The following RAI1 variants were observed in gnomAD, a reference collection of about 807,000 sequenced individuals.
The protein encoded by RAI1 is retinoic acid induced 1, also known as retinoic acid-induced protein 1.
RAI1 carries 9 observed loss-of-function variants against 123.8 expected under a neutral mutation model. The observed-to-expected ratio is 0.07, with a 90% CI of 0.04 to 0.13. The LOEUF is 0.13. Among genes scored for constraint, RAI1 ranks in the 10% least tolerant of loss-of-function variants. RAI1 has a pLI of 1.00. For synonymous variants in RAI1, 1,231 were observed against 1,127.3 expected, an observed-to-expected ratio of 1.09 and a Z score of -1.84; for missense variants, 2,256 against 2,545.8, an observed-to-expected ratio of 0.89 and a Z score of 2.45.
At position 17,685,172 on chromosome 17, in the gene RAI1, C is replaced by G. The variant is rs1461526661; in HGVS notation, c.-149+3379C>G. 1 of 152,248 alleles carries G rather than the reference C, an allele frequency of 6.6e-6. No individual in the cohort carries two copies. The highest frequency in any genetic ancestry group is 1.5e-5 in the Non-Finnish European group (1 of 68,062). 9.4% of individuals were successfully genotyped at this position (152,248 alleles called of 1,614,324 possible). A position where few individuals can be genotyped will look rare whatever the true frequency, so the allele number is the denominator to read the frequency against. On this transcript the variant is annotated intron_variant, in intron 1 of 5. Transcript: ENST00000353383. The surrounding 1 kb of genome is among the most constrained non-coding windows in gnomAD (Gnocchi z 4.0). ...TTCCTCCCCTATCCAACGTGTGGCT[C>G]CACAGGGAGGGAGGAGGTGCAACAG...
At chr17:17,700,684 C>T (rs1006964332) in intron 1 of RAI1, among the ~76,000 whole-genome samples, 42 of 152,160 alleles carry the variant, frequency 2.8e-4, no homozygotes, top group Middle Eastern at 6.8e-3. Context: ...GGCCGGGCCT[C>T]GTCCGCCGAG....
chr17:17,685,155 CT>C lies in RAI1; in HGVS notation c.-149+3363del, dbSNP rs1160096653. The C allele has an allele frequency of 6.6e-6, 1 of 152,278 alleles. No homozygotes were observed. The highest frequency in any genetic ancestry group is 1.9e-4 in the East Asian group (1 of 5,196). The allele number at this position is 152,278 out of a possible 1,614,324, so 9.4% of individuals were successfully genotyped here. A position where few individuals can be genotyped will look rare whatever the true frequency, so the allele number is the denominator to read the frequency against. On this transcript the variant is annotated intron_variant, in intron 1 of 5. Coordinates refer to ENST00000353383, the MANE Select transcript of RAI1 (RefSeq NM_030665.4). The surrounding 1 kb of genome is among the most constrained non-coding windows in gnomAD (Gnocchi z 4.0). ...ATGGCATGGGTGTCTTTTTCCTCCC[CT>C]ATCCAACGTGTGGCTCCACAGGGAG...
chr17:17,793,347 A>T lies in RAI1; in HGVS notation c.399A>T (p.Pro133=). ...AGCCACCACCCCCACAGCCGCAGCCACTACCTGCAGGGGTGGCCAAGTATG... is the reference window on the plus strand; with the variant it reads ...AGCCACCACCCCCACAGCCGCAGCCTCTACCTGCAGGGGTGGCCAAGTATG... ...APQPPPPQPQ[P]LPAGVAKYDE... Residue 133 remains proline (P), a synonymous_variant, in exon 3 of 6, where the codon CCA becomes CCT. Coordinates refer to ENST00000353383, the MANE Select transcript of RAI1 (RefSeq NM_030665.4). 2 of 1,612,900 alleles carry T rather than the reference A, an allele frequency of 1.2e-6. No homozygotes were observed. The highest frequency in any genetic ancestry group is 2.2e-5 in the South Asian group (2 of 91,074).
intron 2 of RAI1, among the ~76,000 whole-genome samples, chr17:17,749,283 C>T (rs986371345): frequency 3.9e-5 from 6 of 152,208 alleles, no homozygotes; most frequent in African/African-American, 1.2e-4. Flanking sequence ...ATTTAGCCTG[C>T]GTGGCAGGAG....
intron 1 of RAI1, among the ~76,000 whole-genome samples, chr17:17,706,377 C>T (rs1199059002): frequency 6.6e-6 from 1 of 152,154 alleles, no homozygotes; most frequent in Non-Finnish European, 1.5e-5. Context: ...GTGCTCTGCA[C>T]TGAATGATGA....
In RAI1 at chr17:17,781,011, T is replaced by G. The variant is rs914622373; in HGVS notation, c.-16-11922T>G. ...CCTCCCCTCCCAGGAGCTAGGAACC[T>G]GCCAGGCTTCTTACCTCTCTGCTGG... is the stretch of plus-strand genomic sequence containing the variant. On this transcript the variant is annotated intron_variant, in intron 2 of 5. Coordinates refer to ENST00000353383, the MANE Select transcript of RAI1 (RefSeq NM_030665.4). Among the ~76,000 whole-genome samples, 3 of 152,182 alleles carry G rather than the reference T, an allele frequency of 2.0e-5. No individual in the cohort carries two copies. The East Asian group carries it at 5.8e-4, about 29-fold the overall frequency.
At position 17,686,138 on chromosome 17, in the gene RAI1, C is replaced by T. The variant is rs947299184; in HGVS notation, c.-149+4345C>T. 5.3e-5 allele frequency among the ~76,000 whole-genome samples: 8 copies of T among 151,568 alleles called. No individual in the cohort carries two copies. The East Asian group carries it at 7.7e-4, about 15-fold the overall frequency. On this transcript the variant is annotated intron_variant, in intron 1 of 5. Coordinates refer to ENST00000353383, the MANE Select transcript of RAI1 (RefSeq NM_030665.4). ...GCTCTCTCCGGCCCAGTGCCAAGGG[C>T]GAGGCCTAGAACACAGGACGCTCAG...
rs1914583547 is a variant in RAI1, at chr17:17,685,068, C to A, written c.-149+3275C>A. The A allele has an allele frequency of 6.6e-6, 1 of 152,244 alleles. No individual in the cohort carries two copies. The highest frequency in any genetic ancestry group is 1.5e-5 in the Non-Finnish European group (1 of 68,054). 9.4% of individuals were successfully genotyped at this position (152,244 alleles called of 1,614,324 possible). On this transcript the variant is annotated intron_variant, in intron 1 of 5. Transcript: ENST00000353383. The surrounding 1 kb of genome is among the most constrained non-coding windows in gnomAD (Gnocchi z 4.0). ...TGCCGTCATTGTTGTATTGTTATTG[C>A]TGTTCTATCTCCATGGCAGCCCATG...
intron 1 of RAI1, among the ~76,000 whole-genome samples, chr17:17,691,948 TA>T (rs1330841718): frequency 2.0e-5 from 3 of 152,060 alleles, no homozygotes; most frequent in East Asian, 1.9e-4. Flanking sequence ...CAAACACAGA[TA>T]GGGGTGAGGG....
chr17:17,727,058 T>C (rs1374286034), intron 2 of RAI1, among the ~76,000 whole-genome samples: 3 of 152,274 alleles, frequency 2.0e-5, no homozygotes, highest in Non-Finnish European at 2.9e-5. Context: ...GGATATATTT[T>C]GTATAGCTTT....
rs1915663218 is a variant in RAI1, at chr17:17,714,813, G to A, written c.-148-9215G>A. Among the ~76,000 whole-genome samples, 1 of 152,222 alleles carries A rather than the reference G, an allele frequency of 6.6e-6. No homozygotes were observed. The highest frequency in any genetic ancestry group is 2.4e-5 in the African/African-American group (1 of 41,442). On this transcript the variant is annotated intron_variant, in intron 1 of 5. Coordinates refer to ENST00000353383, the MANE Select transcript of RAI1 (RefSeq NM_030665.4). The surrounding 1 kb of genome is among the most constrained non-coding windows in gnomAD (Gnocchi z 4.9). ...ACTTGTCGTGGTGGGTGAAGGGTCT[G>A]GTCCGCAGGTCTGCTCTCCAAGCTG...
intron 1 of RAI1, among the ~76,000 whole-genome samples, chr17:17,693,147 C>T (rs12449524): frequency 6.6e-6 from 1 of 152,142 alleles, no homozygotes; most frequent in Non-Finnish European, 1.5e-5. Context: ...AGGGTGGGCA[C>T]TGAGGGCATC....
In RAI1 at chr17:17,809,961, C is replaced by CT. The variant is rs1271191069; in HGVS notation, c.5710-5dup. Reference sequence around the variant, plus strand: ...TCGTCGGTAACTGGCGGGCGGGCGTCTTTTGCAGAGGCTGCCGTAGTAATC... The same window carrying CT: ...TCGTCGGTAACTGGCGGGCGGGCGTCTTTTTGCAGAGGCTGCCGTAGTAATC... On this transcript the variant is annotated splice_polypyrimidine_tract_variant and intron_variant, in intron 5 of 5. Coordinates refer to ENST00000353383, the MANE Select transcript of RAI1 (RefSeq NM_030665.4). This position sits in a 1 kb window ranked among gnomAD's most constrained non-coding sequence, Gnocchi z 4.9. 7.1e-6 allele frequency: 11 copies of CT among 1,556,502 alleles called. No individual in the cohort carries two copies. Among genetic ancestry groups the CT allele is most frequent in the Non-Finnish European group, 9.5e-6 (11 of 1,152,150 alleles).
At chr17:17,749,055 C>A (rs779619214) in intron 2 of RAI1, among the ~76,000 whole-genome samples, 63 of 152,196 alleles carry the variant, frequency 4.1e-4, no homozygotes, top group Non-Finnish European at 2.1e-4. Context: ...CCCCTGGGGG[C>A]CTCCTGGATC....
intron 1 of RAI1, among the ~76,000 whole-genome samples, chr17:17,698,231 T>A (rs1915099642): frequency 1.3e-5 from 2 of 152,212 alleles, no homozygotes; most frequent in Admixed American, 6.5e-5. Context: ...CCCAGGTCCC[T>A]GTGGCTGCTC....
rs1263276539 is a variant in RAI1, at chr17:17,799,636, C to T, written c.5565+1123C>T. On this transcript the variant is annotated intron_variant, in intron 3 of 5. Coordinates refer to ENST00000353383, the MANE Select transcript of RAI1 (RefSeq NM_030665.4). The surrounding 1 kb of genome is among the most constrained non-coding windows in gnomAD (Gnocchi z 4.5). ...ATCCCCTCCACTCCTTCCTTCAACC[C>T]ACTATGTGCGGCTGAGGTCACAGGG... Among the ~76,000 whole-genome samples the T allele has an allele frequency of 1.3e-5, 2 of 152,188 alleles. No homozygotes were observed. The highest frequency in any genetic ancestry group is 2.4e-5 in the African/African-American group (1 of 41,442).
At chr17:17,721,045 C>T (rs1277207730) in intron 1 of RAI1, among the ~76,000 whole-genome samples, 1 of 151,742 alleles carries the variant, frequency 6.6e-6, no homozygotes, top group Non-Finnish European at 1.5e-5. Context: ...GTGAAGGGTA[C>T]TCACTGAGCG....
chr17:17,742,318 A>T (rs764386468), intron 2 of RAI1, among the ~76,000 whole-genome samples: 2 of 152,226 alleles, frequency 1.3e-5, no homozygotes, highest in Non-Finnish European at 2.9e-5. Context: ...CAAGACTCAC[A>T]ATAGACACTT....
chr17:17,779,861 GC>G (rs1030000925), intron 2 of RAI1, among the ~76,000 whole-genome samples: 1 of 142,278 alleles, frequency 7.0e-6, no homozygotes. Flanking sequence ...TGCAGGCTCC[GC>G]CCCCCGGGGT....
Sources: allele counts gnomAD v4.1 joint callset (sites outside exome capture counted in the v4.1 genomes callset), GRCh38; gene constraint gnomAD v4.1.1; non-coding constraint Gnocchi (gnomAD v3.1); transcripts MANE v1.5; gene names NCBI Gene and HGNC (gene_info 2026-07-23, HGNC 2026-07-21).